The following UCMA variants were observed in gnomAD, a reference collection of about 807,000 sequenced individuals.
UCMA encodes upper zone of growth plate and cartilage matrix associated, also known as upper zone of growth plate and cartilage matrix-associated protein.
A neutral mutation model predicts 21.8 loss-of-function variants in UCMA; 21 were observed. The ratio of observed to expected loss-of-function variants is 0.97; its 90% CI spans 0.68 to 1.39. The LOEUF is 1.39. Ranked by LOEUF, UCMA falls within the 40% of genes most tolerant of loss-of-function variation. The pLI, the probability that UCMA is intolerant of heterozygous loss-of-function variation, is 0.00. For synonymous variants in UCMA, 76 were observed against 67.9 expected, an observed-to-expected ratio of 1.12 and a Z score of -0.58; for missense variants, 193 against 178.9, an observed-to-expected ratio of 1.08 and a Z score of -0.45.
In UCMA at chr10:13,234,206, A is replaced by G. The variant is rs1464152165; in HGVS notation, c.53T>C (p.Leu18Pro). 13 of 1,613,164 alleles carry G rather than the reference A, an allele frequency of 8.1e-6. No individual in the cohort carries two copies. The East Asian group carries it at 2.9e-4, about 36-fold the overall frequency. ...LLSCFSAVVLLSMLREGTSVS... is the reference protein window; with the variant it reads ...LLSCFSAVVLPSMLREGTSVS... The stretch of plus-strand genomic sequence containing the variant: ...CTTGACCCTCCTGTACTCACTAGAC[A>G]GGAGCACCACGGCGGAGAAGCAAGA... The change falls in exon 1 of 5, where the codon CTG becomes CCG. Residue 18 changes from leucine (L) to proline (P), a missense_variant. By Grantham distance (98) the Leu-to-Pro change is moderately conservative. Coordinates refer to ENST00000378681, the MANE Select transcript of UCMA (RefSeq NM_145314.3).
At chr10:13,224,902 C>T (rs1377952612) in intron 4 of UCMA, among the ~76,000 whole-genome samples, 1 of 152,142 alleles carries the variant, frequency 6.6e-6, no homozygotes, top group African/African-American at 2.4e-5. Flanking sequence ...ACTTGATAGC[C>T]CAGGGGCAGC....
Position 13,229,688 on chromosome 10 carries a change from C to G in UCMA, c.242G>C (p.Arg81Pro), listed in dbSNP as rs751413925. 6.2e-7 allele frequency: 1 copy of G among 1,614,000 alleles called. No homozygotes were observed. Among genetic ancestry groups the G allele is most frequent in the African/African-American group, 1.3e-5 (1 of 75,002 alleles). The change falls in exon 4 of 5, where the codon CGG becomes CCG. Residue 81 changes from arginine (R) to proline (P), a missense_variant. Coordinates refer to ENST00000378681, the MANE Select transcript of UCMA (RefSeq NM_145314.3). ...ATATTCTCTCCGCAGCTCATCAACC[C>G]GAAGCTTCTGCCTGTTTTCCACTGT... The part of the protein sequence containing the change: ...EVNVENRQKL[R>P]VDELRREYYE...
At chr10:13,224,428 GAAGA>G (rs981809810) in intron 4 of UCMA, among the ~76,000 whole-genome samples, 10 of 151,062 alleles carry the variant, frequency 6.6e-5, no homozygotes, top group South Asian at 2.1e-4. Context: ...AAAGGAAAAG[GAAGA>G]AAGAAAGAAG....
intron 4 of UCMA, among the ~76,000 whole-genome samples, chr10:13,222,682 T>C (rs536294844): frequency 3.8e-4 from 58 of 152,158 alleles, no homozygotes; most frequent in African/African-American, 1.3e-3. Context: ...TCTTTTTTTT[T>C]CTTTCTTTCT....
At chr10:13,223,705 C>T (rs953189724) in intron 4 of UCMA, among the ~76,000 whole-genome samples, 1 of 152,130 alleles carries the variant, frequency 6.6e-6, no homozygotes, top group Non-Finnish European at 1.5e-5. Context: ...GTGCATGCCA[C>T]CACGCCCGCC....
chr10:13,223,832 G>A (rs972469679), intron 4 of UCMA, among the ~76,000 whole-genome samples: 1 of 151,776 alleles, frequency 6.6e-6, no homozygotes, highest in Non-Finnish European at 1.5e-5. Context: ...TATTACAGGC[G>A]TGAGCCACTG....
intron 3 of UCMA, among the ~76,000 whole-genome samples, chr10:13,230,037 A>G (rs1286202754): frequency 6.6e-6 from 1 of 152,202 alleles, no homozygotes; most frequent in Non-Finnish European, 1.5e-5. Flanking sequence ...TCAGAAACAA[A>G]TTCCCTAAAG....
At chr10:13,232,832 T>C (rs1834916244) in intron 3 of UCMA, among the ~76,000 whole-genome samples, 1 of 151,858 alleles carries the variant, frequency 6.6e-6, no homozygotes, top group South Asian at 2.1e-4. Context: ...TCAAATGCCC[T>C]CAGGGGTTGG....
intron 4 of UCMA, among the ~76,000 whole-genome samples, chr10:13,223,391 A>C (rs971636890): frequency 6.6e-6 from 1 of 152,202 alleles, no homozygotes; most frequent in African/African-American, 2.4e-5. Flanking sequence ...ATGGATAAAC[A>C]AAATGTGGTG....
At chr10:13,230,190 C>A (rs1834879959) in intron 3 of UCMA, among the ~76,000 whole-genome samples, 1 of 152,200 alleles carries the variant, frequency 6.6e-6, no homozygotes, top group Non-Finnish European at 1.5e-5. Flanking sequence ...CGCCTGTGAG[C>A]TTAGCTACTA....
chr10:13,226,994 A>G (rs544690916), intron 4 of UCMA, among the ~76,000 whole-genome samples: 1 of 152,300 alleles, frequency 6.6e-6, no homozygotes, highest in East Asian at 1.9e-4. Context: ...GGAATTTTGA[A>G]GGCCACATTC....
chr10:13,227,218 TG>T (rs959716844), intron 4 of UCMA, among the ~76,000 whole-genome samples: 1 of 151,862 alleles, frequency 6.6e-6, no homozygotes, highest in Non-Finnish European at 1.5e-5. Flanking sequence ...GACCCAGGGG[TG>T]GTTTCCTTTT....
chr10:13,229,826 G>A (rs1395488682), intron 3 of UCMA, 117 bp from the exon 4 acceptor site: 1 of 775,436 alleles, frequency 1.3e-6, no homozygotes, highest in Non-Finnish European at 2.1e-6. Flanking sequence ...AGTGGTTTGT[G>A]GGGGATTGTG....
chr10:13,224,345 G>A (rs1043169602), intron 4 of UCMA, among the ~76,000 whole-genome samples: 3 of 150,672 alleles, frequency 2.0e-5, no homozygotes, highest in African/African-American at 4.9e-5. Flanking sequence ...GAAAGGAAGC[G>A]GTGGGGAGGG....
intron 3 of UCMA, among the ~76,000 whole-genome samples, 164 bp downstream of exon 3, chr10:13,233,374 G>T (rs1350421301): frequency 6.6e-6 from 1 of 151,814 alleles, no homozygotes; most frequent in Non-Finnish European, 1.5e-5. Context: ...TCAGGAAATA[G>T]GGTGTAATTT....
intron 4 of UCMA, 111 bp from the exon 5 acceptor site, chr10:13,222,311 T>A: frequency 1.1e-6 from 1 of 929,416 alleles, no homozygotes; most frequent in Non-Finnish European, 1.6e-6. Context: ...ACTGAGAGTG[T>A]TTGTGAGCCC....
intron 4 of UCMA, among the ~76,000 whole-genome samples, chr10:13,226,673 A>C (rs1834827256): frequency 6.6e-6 from 1 of 152,140 alleles, no homozygotes. Context: ...GACCTGTCTC[A>C]GAGGCAGTTC....
At chr10:13,233,698 G>A in intron 2 of UCMA, 37 bp downstream of exon 2, 5 of 1,613,956 alleles carry the variant, frequency 3.1e-6, no homozygotes, top group Non-Finnish European at 4.2e-6. Context: ...TTCGCTGGCT[G>A]CACCTGCCCT....
At chr10:13,225,623 C>T (rs563659896) in intron 4 of UCMA, among the ~76,000 whole-genome samples, 3 of 144,024 alleles carry the variant, frequency 2.1e-5, no homozygotes, top group South Asian at 2.2e-4. Context: ...TTCATTGAGC[C>T]GAGATAGCGC....
Sources: allele counts gnomAD v4.1 joint callset (sites outside exome capture counted in the v4.1 genomes callset), GRCh38; gene constraint gnomAD v4.1.1; transcripts MANE v1.5; gene names NCBI Gene and HGNC (gene_info 2026-07-23, HGNC 2026-07-21).